The following LDAH variants were observed in gnomAD, a reference collection of about 807,000 sequenced individuals.
LDAH encodes lipid droplet associated hydrolase.
LDAH carries 26 observed loss-of-function variants against 29.6 expected under a neutral mutation model. The ratio of observed to expected loss-of-function variants is 0.88; its 90% CI spans 0.64 to 1.22. The LOEUF (loss-of-function observed/expected upper bound fraction) is 1.22, where lower values mean the gene tolerates loss of function less well. Among genes scored for constraint, LDAH ranks in the 50% most tolerant of loss-of-function variants. LDAH has a pLI of 0.00. For synonymous variants in LDAH, 117 were observed against 133.0 expected, an observed-to-expected ratio of 0.88 and a Z score of 0.83; for missense variants, 344 against 387.3, an observed-to-expected ratio of 0.89 and a Z score of 0.94.
chr2:20,700,750 GT>G (rs1663872045), intron 6 of LDAH, among the ~76,000 whole-genome samples: 1 of 152,126 alleles, frequency 6.6e-6, no homozygotes, highest in Non-Finnish European at 1.5e-5. Flanking sequence ...TTAATAATAT[GT>G]TTTACTTAAT....
intron 5 of LDAH, among the ~76,000 whole-genome samples, chr2:20,731,388 C>T (rs557017633): frequency 9.9e-4 from 151 of 152,342 alleles, no homozygotes; most frequent in African/African-American, 3.5e-3. Flanking sequence ...TGTTAGACGC[C>T]TGCTCCCACT....
intron 6 of LDAH, among the ~76,000 whole-genome samples, chr2:20,690,139 T>G (rs1433091855): frequency 1.3e-5 from 2 of 152,076 alleles, no homozygotes; most frequent in African/African-American, 4.8e-5. Flanking sequence ...GCAAACACCA[T>G]CCCCGTACAT....
intron 4 of LDAH, among the ~76,000 whole-genome samples, chr2:20,749,741 C>T (rs1276984998): frequency 1.3e-5 from 2 of 152,210 alleles, no homozygotes; most frequent in Non-Finnish European, 2.9e-5. Flanking sequence ...AAGCAGTTAA[C>T]TCACAGAGAA....
At chr2:20,779,182 G>A (rs1318449333) in intron 3 of LDAH, among the ~76,000 whole-genome samples, 2 of 152,010 alleles carry the variant, frequency 1.3e-5, no homozygotes, top group African/African-American at 4.8e-5. Flanking sequence ...TAAACAACTT[G>A]CATGTAAAAA....
chr2:20,717,664 T>C (rs185311653), intron 5 of LDAH, among the ~76,000 whole-genome samples: 4 of 152,360 alleles, frequency 2.6e-5, no homozygotes, highest in Non-Finnish European at 4.4e-5. Flanking sequence ...AATTCTTTTA[T>C]TATTTTTTGT....
intron 2 of LDAH, among the ~76,000 whole-genome samples, chr2:20,797,159 A>G (rs937984160): frequency 2.6e-5 from 4 of 152,170 alleles, no homozygotes; most frequent in African/African-American, 9.7e-5. Context: ...GACTTCCACA[A>G]AGACTGTTAC....
intron 6 of LDAH, among the ~76,000 whole-genome samples, chr2:20,687,828 T>C (rs1662679279): frequency 6.6e-6 from 1 of 152,226 alleles, no homozygotes; most frequent in Non-Finnish European, 1.5e-5. Context: ...CTAGTTCTGT[T>C]AGTTCTAAAA....
At chr2:20,801,603 A>C in intron 1 of LDAH, 138 bp from the exon 2 acceptor site, 1 of 693,680 alleles carries the variant, frequency 1.4e-6, no homozygotes, top group Admixed American at 2.8e-5. Flanking sequence ...GGAAACTATA[A>C]GACTATTCAG....
At chr2:20,772,929 T>A (rs921483408) in intron 4 of LDAH, among the ~76,000 whole-genome samples, 1 of 152,308 alleles carries the variant, frequency 6.6e-6, no homozygotes, top group South Asian at 2.1e-4. Flanking sequence ...CTGGAAGACA[T>A]GTTGGTTAAA....
intron 1 of LDAH, among the ~76,000 whole-genome samples, chr2:20,806,841 C>G (rs1672096129): frequency 6.6e-6 from 1 of 150,696 alleles, no homozygotes; most frequent in Non-Finnish European, 1.5e-5. Context: ...GAAAACAAGG[C>G]TGCAAATAAA....
At chr2:20,803,591 A>C (rs1671869016) in intron 1 of LDAH, among the ~76,000 whole-genome samples, 1 of 152,174 alleles carries the variant, frequency 6.6e-6, no homozygotes, top group Admixed American at 6.5e-5. Context: ...AAGGGTTGTT[A>C]CTGTGGCCCT....
At chr2:20,779,543 A>G (rs531391642) in intron 3 of LDAH, among the ~76,000 whole-genome samples, 8 of 152,172 alleles carry the variant, frequency 5.3e-5, no homozygotes, top group Non-Finnish European at 1.2e-4. Context: ...GTTGTTCACC[A>G]TGCTATACAT....
intron 5 of LDAH, among the ~76,000 whole-genome samples, chr2:20,712,221 C>T (rs534062798): frequency 1.6e-4 from 25 of 152,248 alleles, no homozygotes; most frequent in Admixed American, 4.6e-4. Flanking sequence ...CTGCAGCCTC[C>T]GCTGGTGATA....
chr2:20,795,838 T>TG (rs764519828), intron 2 of LDAH, among the ~76,000 whole-genome samples: 11 of 152,124 alleles, frequency 7.2e-5, no homozygotes, highest in South Asian at 6.2e-4. Context: ...TATGTCAGTC[T>TG]ATCAGAGACG....
intron 5 of LDAH, among the ~76,000 whole-genome samples, chr2:20,702,221 C>T (rs867555851): frequency 2.0e-5 from 3 of 152,092 alleles, no homozygotes; most frequent in African/African-American, 4.8e-5. Flanking sequence ...AGAGGAAGAA[C>T]GCCAGAGATA....
intron 5 of LDAH, among the ~76,000 whole-genome samples, chr2:20,736,022 G>C (rs1402590142): frequency 6.6e-6 from 1 of 152,176 alleles, no homozygotes; most frequent in African/African-American, 2.4e-5. Flanking sequence ...GTAGAGCAGG[G>C]AAAGAGAGGG....
chr2:20,751,126 C>T (rs768850547), intron 4 of LDAH, among the ~76,000 whole-genome samples: 1 of 152,116 alleles, frequency 6.6e-6, no homozygotes, highest in Non-Finnish European at 1.5e-5. Context: ...TGCACATGTA[C>T]CCCCGGTATC....
intron 1 of LDAH, among the ~76,000 whole-genome samples, chr2:20,814,229 TG>T (rs70939052): frequency 0.67 from 88,618 of 131,934 alleles, 32,348 homozygotes; most frequent in South Asian, 0.85. Context: ...AGTCTGACAA[TG>T]GGGGGGGGGG....
chr2:20,736,673 A>G (rs1666812247), intron 5 of LDAH, among the ~76,000 whole-genome samples: 1 of 152,152 alleles, frequency 6.6e-6, no homozygotes, highest in Admixed American at 6.5e-5. Context: ...TTCCATTTGT[A>G]TGGGTGTTTT....
Sources: gnomAD v4.1 joint callset for allele counts (sites outside exome capture counted in the v4.1 genomes callset) on GRCh38, gnomAD v4.1.1 for gene constraint, MANE v1.5 for transcripts, NCBI Gene and HGNC (gene_info 2026-07-23, HGNC 2026-07-21) for gene names.